Variants in CADPS observed in about 807,000 individuals in gnomAD.
CADPS encodes the protein calcium dependent secretion activator, also known as calcium-dependent secretion activator 1.
Under a neutral mutation model 167.3 loss-of-function variants are expected in CADPS, and 57 were observed. The ratio of observed to expected loss-of-function variants is 0.34; its 90% CI spans 0.28 to 0.42. The LOEUF is 0.42. CADPS is among the 20% of genes least tolerant of loss of function. The probability of loss-of-function intolerance (pLI) is 1.00; values close to 1 mark genes in which losing one functional copy is unlikely to be tolerated. For missense variants in CADPS, 1,414 were observed against 1,738.1 expected, an observed-to-expected ratio of 0.81 and a Z score of 3.32; for synonymous variants, 676 against 635.3, an observed-to-expected ratio of 1.06 and a Z score of -0.96.
chr3:62,659,142 C>A (rs1026607521), intron 4 of CADPS, among the ~76,000 whole-genome samples: 1 of 152,052 alleles, frequency 6.6e-6, no homozygotes, highest in African/African-American at 2.4e-5. Context: ...ACATCTATAT[C>A]CAGGAATTTC....
chr3:62,816,997 A>G (rs1043201743), intron 1 of CADPS, among the ~76,000 whole-genome samples: 1 of 152,140 alleles, frequency 6.6e-6, no homozygotes, highest in African/African-American at 2.4e-5. Flanking sequence ...ACCTCAACCT[A>G]GGAGGAATCA....
chr3:62,726,825 T>C (rs958850999), intron 3 of CADPS, among the ~76,000 whole-genome samples: 1 of 151,932 alleles, frequency 6.6e-6, no homozygotes, highest in African/African-American at 2.4e-5. Context: ...AGTAAAACTT[T>C]CCACAACAGA....
intron 6 of CADPS, among the ~76,000 whole-genome samples, chr3:62,606,128 T>C (rs2149199113): frequency 6.6e-6 from 1 of 152,300 alleles, no homozygotes; most frequent in Admixed American, 6.5e-5. Flanking sequence ...ATTCACACTC[T>C]CCTGCCCTCT....
At chr3:62,706,225 G>T (rs933068038) in intron 3 of CADPS, among the ~76,000 whole-genome samples, 3 of 152,062 alleles carry the variant, frequency 2.0e-5, no homozygotes, top group Admixed American at 2.0e-4. Context: ...CTACCATGAT[G>T]TCCTCATCAT....
chr3:62,443,220 A>G (rs2056653069), intron 27 of CADPS, among the ~76,000 whole-genome samples: 1 of 152,232 alleles, frequency 6.6e-6, no homozygotes, highest in East Asian at 1.9e-4. Flanking sequence ...GATCCTGAGC[A>G]AATTAACTTC....
intron 2 of CADPS, among the ~76,000 whole-genome samples, chr3:62,765,300 A>G (rs982740889): frequency 1.1e-4 from 16 of 152,202 alleles, no homozygotes; most frequent in African/African-American, 4.8e-5. Context: ...TTTACCTGTA[A>G]TACATACTCA....
At chr3:62,652,243 A>G (rs2070343098) in intron 4 of CADPS, among the ~76,000 whole-genome samples, 1 of 151,982 alleles carries the variant, frequency 6.6e-6, no homozygotes, top group Admixed American at 6.6e-5. Context: ...ACTTAAGTAC[A>G]TGTCCAATTG....
At chr3:62,841,806 T>C (rs780145366) in intron 1 of CADPS, among the ~76,000 whole-genome samples, 56 of 152,228 alleles carry the variant, frequency 3.7e-4, no homozygotes, top group Non-Finnish European at 6.0e-4. Flanking sequence ...CTTGGAACTA[T>C]GTCTGCCAAC....
intron 13 of CADPS, among the ~76,000 whole-genome samples, chr3:62,529,424 C>A (rs188166108): frequency 9.8e-5 from 15 of 152,300 alleles, no homozygotes; most frequent in African/African-American, 3.6e-4. Flanking sequence ...CCAAAAGCAG[C>A]ACCTTGGACA....
chr3:62,718,652 C>G (rs2075150597), intron 3 of CADPS, among the ~76,000 whole-genome samples: 1 of 152,174 alleles, frequency 6.6e-6, no homozygotes, highest in Non-Finnish European at 1.5e-5. Flanking sequence ...GGCAGCAGAT[C>G]TATAAACTCC....
intron 6 of CADPS, among the ~76,000 whole-genome samples, chr3:62,594,169 A>ATTT (rs199898999): frequency 4.6e-5 from 6 of 129,714 alleles, no homozygotes; most frequent in Non-Finnish European, 9.7e-5. Flanking sequence ...TTATTTATTT[A>ATTT]TTTATTTTTT....
intron 11 of CADPS, among the ~76,000 whole-genome samples, chr3:62,543,468 C>T (rs2076020648): frequency 6.6e-6 from 1 of 152,038 alleles, no homozygotes; most frequent in Non-Finnish European, 1.5e-5. Context: ...AAAAGTATAG[C>T]AAAATCCTAA....
intron 3 of CADPS, among the ~76,000 whole-genome samples, chr3:62,727,762 T>G (rs2077014524): frequency 6.6e-6 from 1 of 151,896 alleles, no homozygotes; most frequent in South Asian, 2.1e-4. Flanking sequence ...TTCTGAGAGT[T>G]TGTGATTCAT....
chr3:62,535,695 G>A lies in CADPS; in HGVS notation c.2103+750C>T, dbSNP rs563858146. ...ATGAAATAACAATTTATGGCTTGAG[G>A]AAGAAGTAAATTGGGTCTTTTTTTA... is the stretch of plus-strand genomic sequence containing the variant. On this transcript the variant is annotated intron_variant, in intron 12 of 29. Transcript: ENST00000383710. 5.3e-5 allele frequency among the ~76,000 whole-genome samples: 8 copies of A among 152,120 alleles called. No homozygotes were observed. The South Asian group carries it at 1.7e-3, about 32-fold the overall frequency.
At chr3:62,652,579 C>T (rs1047944946) in intron 4 of CADPS, among the ~76,000 whole-genome samples, 1 of 151,890 alleles carries the variant, frequency 6.6e-6, no homozygotes, top group Admixed American at 6.6e-5. Context: ...TAACATCTTA[C>T]AGACTCAGGG....
chr3:62,407,888 C>T (rs542495138), intron 28 of CADPS, among the ~76,000 whole-genome samples: 1 of 152,208 alleles, frequency 6.6e-6, no homozygotes, highest in South Asian at 2.1e-4. Flanking sequence ...TACAAGCCAC[C>T]ATGTCCGGCT....
At chr3:62,609,230 T>C (rs2061148509) in intron 6 of CADPS, among the ~76,000 whole-genome samples, 2 of 131,872 alleles carry the variant, frequency 1.5e-5, no homozygotes, top group African/African-American at 5.2e-5. Flanking sequence ...CTTTTTTTTT[T>C]TCTTTTTTGT....
chr3:62,756,340 T>C (rs2083906156), intron 2 of CADPS, among the ~76,000 whole-genome samples: 1 of 152,252 alleles, frequency 6.6e-6, no homozygotes, highest in African/African-American at 2.4e-5. Context: ...GAGTTGGGAT[T>C]ACAGGCGTGA....
rs572851758 is a variant in CADPS at position 62,832,377 on chromosome 3, T to C, written c.441+42212A>G. On this transcript the variant is annotated intron_variant, in intron 1 of 29. Coordinates refer to ENST00000383710, the MANE Select transcript of CADPS (RefSeq NM_003716.4). ...AGAGGAATAGAGAGCTTAAAGGGCT[T>C]GCCCCAAGGCCACACAGAATAATAA... Among the ~76,000 whole-genome samples, 3 of 152,332 alleles carry C rather than the reference T, an allele frequency of 2.0e-5. No homozygotes were observed. In the South Asian group the frequency reaches 6.2e-4, roughly 32 times the overall value.
Sources: gnomAD v4.1 joint callset for allele counts (sites outside exome capture counted in the v4.1 genomes callset) on GRCh38, gnomAD v4.1.1 for gene constraint, MANE v1.5 for transcripts, NCBI Gene and HGNC (gene_info 2026-07-23, HGNC 2026-07-21) for gene names.